KAZN: variants seen among roughly 807,000 people sequenced by gnomAD.
KAZN encodes kazrin.
KAZN carries 40 observed loss-of-function variants against 87.4 expected under a neutral mutation model. The observed-to-expected ratio is 0.46, with a 90% CI of 0.36 to 0.60. The LOEUF is 0.60. Ranked by LOEUF, KAZN falls within the 20% of genes least tolerant of loss-of-function variation. The probability of loss-of-function intolerance (pLI) is 0.00; values close to 1 mark genes in which losing one functional copy is unlikely to be tolerated. For synonymous variants in KAZN, 466 were observed against 458.3 expected (o/e 1.02, Z -0.22); for missense variants, 898 against 1,073.9 (o/e 0.84, Z 2.29).
intron 2 of KAZN, among the ~76,000 whole-genome samples, chr1:14,229,003 G>A (rs1381872403): frequency 6.6e-6 from 1 of 152,218 alleles, no homozygotes; most frequent in Non-Finnish European, 1.5e-5. Flanking sequence ...GAGCTTTGAA[G>A]ATCTGTGATT....
intron 1 of KAZN, among the ~76,000 whole-genome samples, chr1:13,912,515 T>C (rs1639689782): frequency 6.6e-6 from 1 of 152,190 alleles, no homozygotes; most frequent in Admixed American, 6.5e-5. Context: ...CAACAGCTCA[T>C]GTTGACACCC....
rs144751171 is a variant in KAZN at position 15,056,585 on chromosome 1, C to T, written c.916+305C>T. 2.7e-3 allele frequency among the ~76,000 whole-genome samples: 413 copies of T among 152,260 alleles called. 4 individuals are homozygous for T. Among genetic ancestry groups the T allele is most frequent in the Non-Finnish European group, 3.1e-3 (213 of 68,022 alleles). On this transcript the variant is annotated intron_variant, in intron 5 of 14. Transcript: ENST00000376030. The surrounding 1 kb of genome is among the most constrained non-coding windows in gnomAD (Gnocchi z 5.4). ...GAAAGTAAAATAGTCCCCTGCAGTT[C>T]CAGATGTTTAAGACCCTCACAGCTC...
intron 1 of KAZN, among the ~76,000 whole-genome samples, chr1:13,985,202 A>T (rs1463348980): frequency 6.6e-6 from 1 of 151,990 alleles, no homozygotes; most frequent in Non-Finnish European, 1.5e-5. Context: ...ATAAAGCTGA[A>T]TTTTTTTAAA....
intron 2 of KAZN, among the ~76,000 whole-genome samples, chr1:14,966,423 G>A (rs79404019): frequency 1.3e-5 from 2 of 152,148 alleles, no homozygotes; most frequent in East Asian, 1.9e-4. Flanking sequence ...TCTCTGCTCC[G>A]TCTGTCTAGT....
chr1:15,088,389 A>C (rs1409605755), intron 8 of KAZN, among the ~76,000 whole-genome samples: 1 of 151,828 alleles, frequency 6.6e-6, no homozygotes, highest in Non-Finnish European at 1.5e-5. Flanking sequence ...GGGGGTGTGC[A>C]TGCGTGCATA....
chr1:14,521,320 C>T (rs1466075989), intron 2 of KAZN, among the ~76,000 whole-genome samples: 1 of 152,140 alleles, frequency 6.6e-6, no homozygotes, highest in Non-Finnish European at 1.5e-5. Context: ...GAAATGTCGC[C>T]CTCACTGCAT....
At chr1:14,669,351 A>C (rs910415153) in intron 1 of KAZN, among the ~76,000 whole-genome samples, 3 of 152,196 alleles carry the variant, frequency 2.0e-5, no homozygotes, top group Non-Finnish European at 4.4e-5. Context: ...CACAATGAAC[A>C]AGACAGTCTC....
chr1:14,086,751 G>A (rs1643868535), intron 1 of KAZN, among the ~76,000 whole-genome samples: 1 of 152,118 alleles, frequency 6.6e-6, no homozygotes, highest in Non-Finnish European at 1.5e-5. Flanking sequence ...CATAGTATGA[G>A]GGAAGGGTCT....
At chr1:14,186,247 G>A (rs186802276) in intron 2 of KAZN, among the ~76,000 whole-genome samples, 33 of 152,208 alleles carry the variant, frequency 2.2e-4, no homozygotes, top group Middle Eastern at 3.4e-3. Context: ...ATTTATGCTG[G>A]TCTAATAAGT....
At chr1:13,905,091 G>A (rs1639388700) in intron 1 of KAZN, among the ~76,000 whole-genome samples, 1 of 152,050 alleles carries the variant, frequency 6.6e-6, no homozygotes, top group African/African-American at 2.4e-5. Flanking sequence ...TCATTGAATA[G>A]TTTTCAAATC....
intron 1 of KAZN, chr1:14,924,035 T>A: frequency 2.6e-6 from 2 of 776,824 alleles, no homozygotes; most frequent in Non-Finnish European, 2.9e-6. Context: ...GGGGCCAGTC[T>A]GGGCGCCGCG....
chr1:14,303,440 T>G (rs1654700260), intron 2 of KAZN, among the ~76,000 whole-genome samples: 2 of 152,152 alleles, frequency 1.3e-5, no homozygotes, highest in African/African-American at 4.8e-5. Context: ...GAGACTGGGT[T>G]TCACCGTGTT....
rs147057221 is a variant in KAZN, at chr1:14,069,655, C to T, written c.92-110780C>T. On this transcript the variant is annotated intron_variant, in intron 1 of 16. Coordinates refer to the KAZN transcript ENST00000636203. ...TGAAAGCCTCATATTTTCAGCTTAG[C>T]GTACTCATCTTCTTTTAATCTCTCA... Among the ~76,000 whole-genome samples the T allele has an allele frequency of 2.7e-3, 406 of 152,296 alleles. 10 individuals carry two copies. In the South Asian group the frequency reaches 0.066, roughly 25 times the overall value.
At chr1:14,943,361 C>T (rs568739908) in intron 1 of KAZN, among the ~76,000 whole-genome samples, 57 of 152,146 alleles carry the variant, frequency 3.7e-4, no homozygotes, top group East Asian at 2.7e-3. Context: ...AGTCACCCCC[C>T]GCCAGCTGCT....
intron 2 of KAZN, among the ~76,000 whole-genome samples, chr1:14,397,502 A>G (rs1348135475): frequency 1.3e-5 from 2 of 152,120 alleles, no homozygotes; most frequent in African/African-American, 4.8e-5. Context: ...GGGATTCAAC[A>G]TGTACGTTTT....
At chr1:15,048,483 G>C (rs1673834292) in intron 4 of KAZN, among the ~76,000 whole-genome samples, 1 of 152,036 alleles carries the variant, frequency 6.6e-6, no homozygotes, top group African/African-American at 2.4e-5. Flanking sequence ...CAAGGCCCGA[G>C]CCCACATGAG....
At chr1:14,460,230 T>G (rs1381288760) in intron 2 of KAZN, among the ~76,000 whole-genome samples, 1 of 152,190 alleles carries the variant, frequency 6.6e-6, no homozygotes, top group African/African-American at 2.4e-5. Flanking sequence ...GGACACATAG[T>G]TCCCCTCTGA....
intron 2 of KAZN, among the ~76,000 whole-genome samples, chr1:14,407,423 G>A (rs560027241): frequency 6.6e-6 from 1 of 152,216 alleles, no homozygotes; most frequent in Admixed American, 6.5e-5. Context: ...ACAGGCAAAA[G>A]AATCTTGTGG....
rs534825816 is a variant in KAZN at position 14,711,129 on chromosome 1, GCT to G, written c.226+111907_226+111908del. On this transcript the variant is annotated intron_variant, in intron 1 of 14. Coordinates refer to ENST00000376030, the MANE Select transcript of KAZN (RefSeq NM_201628.3). ...GCTCACTTGAGCCCAGGAGTTGGAG[GCT>G]GCAGTGAGCCATGATGGCACCACTG... Among the ~76,000 whole-genome samples, 79 of 152,276 alleles carry G rather than the reference GCT, an allele frequency of 5.2e-4. 3 individuals are homozygous for G. In the South Asian group the frequency reaches 0.015, roughly 29 times the overall value.
Sources: allele counts gnomAD v4.1 joint callset (sites outside exome capture counted in the v4.1 genomes callset), GRCh38; gene constraint gnomAD v4.1.1; non-coding constraint Gnocchi (gnomAD v3.1); transcripts MANE v1.5; gene names NCBI Gene and HGNC (gene_info 2026-07-23, HGNC 2026-07-21).